Variants in PRMT8 observed in about 807,000 individuals in gnomAD.
The protein encoded by PRMT8 is protein arginine methyltransferase 8.
PRMT8 carries 7 observed loss-of-function variants against 47.1 expected under a neutral mutation model. The observed-to-expected ratio is 0.15, with a 90% CI of 0.08 to 0.28. The LOEUF (loss-of-function observed/expected upper bound fraction) is 0.28, where lower values mean the gene tolerates loss of function less well. Ranked by LOEUF, PRMT8 falls within the 10% of genes least tolerant of loss-of-function variation. PRMT8 has a pLI of 1.00. For missense variants in PRMT8, 237 were observed against 505.4 expected (o/e 0.47, Z 5.09); for synonymous variants, 188 against 186.5 (o/e 1.01, Z -0.07).
chr12:3,416,145 C>T (rs942949284), intron 1 of PRMT8, among the ~76,000 whole-genome samples: 3 of 152,202 alleles, frequency 2.0e-5, no homozygotes, highest in South Asian at 2.1e-4. Context: ...CCTCGCTCCA[C>T]GGGCCTCTCC....
chr12:3,455,035 C>T (rs4766125), intron 1 of PRMT8, among the ~76,000 whole-genome samples: 44,185 of 151,974 alleles, frequency 0.29, 7,064 homozygotes, highest in Non-Finnish European at 0.36. Flanking sequence ...TTCTCCAGTC[C>T]CTTGTCCTCC....
chr12:3,476,141 T>C (rs1865210849), intron 1 of PRMT8, among the ~76,000 whole-genome samples: 1 of 152,178 alleles, frequency 6.6e-6, no homozygotes, highest in Non-Finnish European at 1.5e-5. Flanking sequence ...AGCCAGACAC[T>C]TTCTAGCCCT....
intron 1 of PRMT8, among the ~76,000 whole-genome samples, chr12:3,517,318 A>T (rs1865810050): frequency 6.6e-6 from 1 of 152,114 alleles, no homozygotes; most frequent in East Asian, 1.9e-4. Context: ...CCGTACAGAG[A>T]TCTCTGTGCC....
At chr12:3,571,902 A>G (rs571394682) in intron 6 of PRMT8, among the ~76,000 whole-genome samples, 21 of 152,372 alleles carry the variant, frequency 1.4e-4, no homozygotes, top group African/African-American at 4.1e-4. Flanking sequence ...TAAGGCAACA[A>G]TTGTAAGCAA....
At chr12:3,547,845 T>C (rs561793672) in intron 2 of PRMT8, among the ~76,000 whole-genome samples, 5 of 152,318 alleles carry the variant, frequency 3.3e-5, no homozygotes, top group African/African-American at 4.8e-5. Context: ...CCCAAATTGA[T>C]CTATAGATTT....
chr12:3,452,808 C>CT (rs1464636491), intron 1 of PRMT8, among the ~76,000 whole-genome samples: 6 of 152,188 alleles, frequency 3.9e-5, no homozygotes, highest in African/African-American at 1.4e-4. Flanking sequence ...AAAGCCACAG[C>CT]TTAGGTCCTG....
chr12:3,543,758 G>A (rs1035078776), intron 2 of PRMT8, among the ~76,000 whole-genome samples: 2 of 152,180 alleles, frequency 1.3e-5, no homozygotes, highest in African/African-American at 4.8e-5. Flanking sequence ...CTAGCGAGAG[G>A]AAGACCCTAG....
intron 1 of PRMT8, among the ~76,000 whole-genome samples, chr12:3,398,095 C>G (rs926102251): frequency 1.3e-5 from 2 of 152,180 alleles, no homozygotes; most frequent in African/African-American, 4.8e-5. Flanking sequence ...CACTGACCTG[C>G]GCCCACTGTC....
intron 1 of PRMT8, among the ~76,000 whole-genome samples, chr12:3,509,490 C>T (rs1040187475): frequency 1.1e-4 from 16 of 152,210 alleles, no homozygotes; most frequent in African/African-American, 3.4e-4. Flanking sequence ...AGAAGTCAAC[C>T]ATCAACTTTG....
At position 3,456,784 on chromosome 12, in the gene PRMT8, G is replaced by GA. The variant is rs995376066; in HGVS notation, c.48+75352dup. Among the ~76,000 whole-genome samples the GA allele has an allele frequency of 1.1e-4, 16 of 149,522 alleles. No individual in the cohort carries two copies. The highest frequency in any genetic ancestry group is 1.6e-4 in the Non-Finnish European group (11 of 67,194). ...TACACCCTTGACTAAGATTGAACAA[G>GA]AAAAAAAAAATGTCACCAAACAAAG... On this transcript the variant is annotated intron_variant, in intron 1 of 9. Coordinates refer to the PRMT8 transcript ENST00000452611. This position sits in a 1 kb window ranked among gnomAD's most constrained non-coding sequence, Gnocchi z 4.2.
intron 1 of PRMT8, among the ~76,000 whole-genome samples, chr12:3,399,620 A>G (rs1479044999): frequency 1.3e-5 from 2 of 152,198 alleles, no homozygotes; most frequent in East Asian, 1.9e-4. Flanking sequence ...GGAGGAGTCA[A>G]TATCGTGAAT....
At chr12:3,530,015 T>A (rs1866004911) in intron 1 of PRMT8, among the ~76,000 whole-genome samples, 1 of 152,228 alleles carries the variant, frequency 6.6e-6, no homozygotes, top group Non-Finnish European at 1.5e-5. Flanking sequence ...GCTTAATAAA[T>A]GCATTCTATG....
intron 1 of PRMT8, among the ~76,000 whole-genome samples, chr12:3,485,978 G>A (rs1055337550): frequency 1.3e-5 from 2 of 152,182 alleles, no homozygotes; most frequent in Admixed American, 6.5e-5. Flanking sequence ...CTCATTATGC[G>A]TTTTCAGGTC....
rs2038070562 is a variant in PRMT8, at chr12:3,576,492, A to G, written c.713-379A>G. ...GACAGCATAGGAATGGGAACGTAGA[A>G]GACAGATAAGGGAGTTCATAGGAGA... On this transcript the variant is annotated intron_variant, in intron 6 of 9. Transcript: ENST00000382622. The surrounding 1 kb of genome is among the most constrained non-coding windows in gnomAD (Gnocchi z 4.0). 6.6e-6 allele frequency among the ~76,000 whole-genome samples: 1 copy of G among 152,198 alleles called. No homozygotes were observed. The highest frequency in any genetic ancestry group is 1.5e-5 in the Non-Finnish European group (1 of 68,032).
At chr12:3,532,620 A>G (rs1169478340) in intron 1 of PRMT8, among the ~76,000 whole-genome samples, 1 of 147,268 alleles carries the variant, frequency 6.8e-6, no homozygotes, top group Non-Finnish European at 1.5e-5. Context: ...TCAAAAAAAA[A>G]AAAAAAAAAA....
At chr12:3,512,786 T>C (rs1481751116) in intron 1 of PRMT8, among the ~76,000 whole-genome samples, 2 of 152,310 alleles carry the variant, frequency 1.3e-5, no homozygotes, top group South Asian at 2.1e-4. Flanking sequence ...GTGGAATGAA[T>C]GAATGAATAA....
intron 1 of PRMT8, among the ~76,000 whole-genome samples, chr12:3,434,921 G>C (rs543141538): frequency 6.6e-6 from 1 of 151,134 alleles, no homozygotes; most frequent in Non-Finnish European, 1.5e-5. Flanking sequence ...GCCAGACAAA[G>C]ATCTCAGAGG....
intron 1 of PRMT8, among the ~76,000 whole-genome samples, chr12:3,384,183 T>C (rs2137042157): frequency 6.6e-6 from 1 of 152,200 alleles, no homozygotes; most frequent in South Asian, 2.1e-4. Context: ...ATTTCACCAT[T>C]AAGTATAATG....
chr12:3,419,364 A>G (rs534447912), intron 1 of PRMT8, among the ~76,000 whole-genome samples: 52 of 152,324 alleles, frequency 3.4e-4, no homozygotes, highest in Admixed American at 2.6e-3. Flanking sequence ...GGAGTGATCT[A>G]TTGACCAAGG....
Sources: allele counts gnomAD v4.1 joint callset (sites outside exome capture counted in the v4.1 genomes callset), GRCh38; gene constraint gnomAD v4.1.1; non-coding constraint Gnocchi (gnomAD v3.1); transcripts MANE v1.5; gene names NCBI Gene and HGNC (gene_info 2026-07-23, HGNC 2026-07-21).